STAU2: variants seen among roughly 807,000 people sequenced by gnomAD.
STAU2 encodes the protein double-stranded RNA-binding protein Staufen homolog 2.
A neutral mutation model predicts 65.9 loss-of-function variants in STAU2; 20 were observed. That is an observed-to-expected ratio of 0.30 (90% confidence interval 0.21 to 0.44). STAU2 has a LOEUF of 0.44. Ranked by LOEUF, STAU2 falls within the 20% of genes least tolerant of loss-of-function variation. The probability of loss-of-function intolerance (pLI) is 1.00; values close to 1 mark genes in which losing one functional copy is unlikely to be tolerated. For synonymous variants in STAU2, 232 were observed against 233.9 expected (o/e 0.99, Z 0.07); for missense variants, 558 against 683.9 (o/e 0.82, Z 2.05).
chr8:73,704,453 GCTT>G (rs1379625144), intron 4 of STAU2, among the ~76,000 whole-genome samples: 2 of 151,998 alleles, frequency 1.3e-5, no homozygotes, highest in Admixed American at 1.3e-4. Context: ...TAATATTTGG[GCTT>G]CTTAATCTAG....
chr8:73,507,158 T>C (rs984145679), intron 13 of STAU2, among the ~76,000 whole-genome samples: 1 of 150,500 alleles, frequency 6.6e-6, no homozygotes, highest in Non-Finnish European at 1.5e-5. Flanking sequence ...TGTATCTTAA[T>C]GGCATACAGA....
intron 13 of STAU2, among the ~76,000 whole-genome samples, chr8:73,426,633 A>C (rs1816842561): frequency 6.6e-6 from 1 of 152,206 alleles, no homozygotes. Flanking sequence ...CATAAATGAC[A>C]GGATTTCATT....
upstream of STAU2, chr8:73,747,321 T>C (rs1173335451): frequency 7.3e-6 from 11 of 1,515,418 alleles, no homozygotes; most frequent in Non-Finnish European, 8.8e-6. Flanking sequence ...GGCAACTTCC[T>C]TCCCCGCCCG....
intron 12 of STAU2, among the ~76,000 whole-genome samples, chr8:73,578,448 C>G (rs937054503): frequency 1.3e-5 from 2 of 152,162 alleles, no homozygotes; most frequent in African/African-American, 4.8e-5. Flanking sequence ...ACTATAGCTT[C>G]TCACCACTCA....
intron 13 of STAU2, among the ~76,000 whole-genome samples, chr8:73,503,033 A>T (rs1453393926): frequency 6.6e-6 from 1 of 152,116 alleles, no homozygotes; most frequent in East Asian, 1.9e-4. Context: ...AATAGAAATG[A>T]TTAATCTCTT....
intron 13 of STAU2, among the ~76,000 whole-genome samples, chr8:73,489,021 T>C (rs932992929): frequency 2.0e-4 from 31 of 152,100 alleles, no homozygotes; most frequent in African/African-American, 7.5e-4. Flanking sequence ...AGGGATTTTC[T>C]AGAATAGTTT....
intron 12 of STAU2, among the ~76,000 whole-genome samples, chr8:73,561,214 C>T (rs1808201821): frequency 6.6e-6 from 1 of 152,052 alleles, no homozygotes; most frequent in Non-Finnish European, 1.5e-5. Context: ...CAGTGTGGTG[C>T]AGGGAAGTGA....
chr8:73,552,457 T>C (rs532488991), intron 12 of STAU2, 138 bp from the exon 13 acceptor site: 1 of 751,142 alleles, frequency 1.3e-6, no homozygotes, highest in South Asian at 2.2e-5. Flanking sequence ...TTTGTCATAC[T>C]GTAGAGGCAG....
intron 6 of STAU2, among the ~76,000 whole-genome samples, chr8:73,642,944 T>C (rs1428311513): frequency 6.6e-6 from 1 of 152,062 alleles, no homozygotes; most frequent in Non-Finnish European, 1.5e-5. Context: ...GTAATAAAGG[T>C]CTGAAAAAGC....
chr8:73,570,102 C>G (rs1808936633), intron 12 of STAU2, among the ~76,000 whole-genome samples: 1 of 152,118 alleles, frequency 6.6e-6, no homozygotes, highest in South Asian at 2.1e-4. Flanking sequence ...CTAGAATAAA[C>G]AGTGTAGAGA....
intron 5 of STAU2, among the ~76,000 whole-genome samples, chr8:73,679,547 T>C (rs1450870378): frequency 6.6e-6 from 1 of 151,974 alleles, no homozygotes; most frequent in Non-Finnish European, 1.5e-5. Context: ...TAACCTTACC[T>C]AGGACTGAAA....
intron 13 of STAU2, among the ~76,000 whole-genome samples, chr8:73,524,128 G>A (rs1823212459): frequency 1.3e-5 from 2 of 152,148 alleles, no homozygotes; most frequent in Admixed American, 1.3e-4. Flanking sequence ...CAGTCATCTG[G>A]GTTAAAAATG....
chr8:73,622,145 T>TTTG (rs1403757136), intron 6 of STAU2, among the ~76,000 whole-genome samples: 4 of 65,024 alleles, frequency 6.2e-5, no homozygotes, highest in African/African-American at 4.6e-4. Context: ...TTTTTTTTTT[T>TTTG]GAGACGGAGT....
chr8:73,729,615 T>C (rs2130743345), intron 3 of STAU2, among the ~76,000 whole-genome samples: 1 of 152,296 alleles, frequency 6.6e-6, no homozygotes, highest in East Asian at 1.9e-4. Context: ...GGTCTCACTC[T>C]ATCACCCAGG....
At chr8:73,694,279 CA>C (rs890784885) in intron 4 of STAU2, among the ~76,000 whole-genome samples, 3 of 151,702 alleles carry the variant, frequency 2.0e-5, no homozygotes, top group Non-Finnish European at 2.9e-5. Context: ...ATATAACAAG[CA>C]AAAAAAATCA....
chr8:73,528,851 TA>T (rs1174545115), intron 13 of STAU2, among the ~76,000 whole-genome samples: 3 of 152,178 alleles, frequency 2.0e-5, no homozygotes, highest in Non-Finnish European at 2.9e-5. Context: ...AATGTCCATA[TA>T]TTTTTATTGC....
intron 13 of STAU2, among the ~76,000 whole-genome samples, chr8:73,508,435 C>T (rs914379475): frequency 6.6e-6 from 1 of 152,048 alleles, no homozygotes; most frequent in African/African-American, 2.4e-5. Context: ...ATAAAGTTCA[C>T]CATCTTATAT....
chr8:73,493,691 G>C (rs9918811), intron 13 of STAU2, among the ~76,000 whole-genome samples: 63,770 of 151,352 alleles, frequency 0.42, 14,471 homozygotes, highest in Non-Finnish European at 0.5. Flanking sequence ...GTCAAATGGT[G>C]TCTTATACAA....
At chr8:73,477,980 GTGTCT>G (rs1820401545) in intron 13 of STAU2, among the ~76,000 whole-genome samples, 1 of 151,788 alleles carries the variant, frequency 6.6e-6, no homozygotes, top group Admixed American at 6.6e-5. Flanking sequence ...TCATGATCAA[GTGTCT>G]ATTGTCTGAC....
Sources: gnomAD v4.1 joint callset for allele counts (sites outside exome capture counted in the v4.1 genomes callset) on GRCh38, gnomAD v4.1.1 for gene constraint, MANE v1.5 for transcripts, NCBI Gene and HGNC (gene_info 2026-07-23, HGNC 2026-07-21) for gene names.